Variants in C5orf15 observed in about 807,000 individuals in gnomAD.
C5orf15 encodes chromosome 5 open reading frame 15, also known as keratinocyte-associated transmembrane protein 2.
Under a neutral mutation model 17.8 loss-of-function variants are expected in C5orf15, and 10 were observed. That is an observed-to-expected ratio of 0.56 (90% confidence interval 0.35 to 0.95). The LOEUF is 0.95. Ranked by LOEUF, C5orf15 falls within the 40% of genes least tolerant of loss-of-function variation. The pLI, the probability that C5orf15 is intolerant of heterozygous loss-of-function variation, is 0.02. For missense variants in C5orf15, 319 were observed against 331.7 expected (o/e 0.96, Z 0.30); for synonymous variants, 124 against 131.0 (o/e 0.95, Z 0.36).
chr5:133,960,283 A>C (rs929097183), intron 1 of C5orf15, among the ~76,000 whole-genome samples: 1 of 152,154 alleles, frequency 6.6e-6, no homozygotes, highest in African/African-American at 2.4e-5. Context: ...CTGCCACCAA[A>C]AGAAAAGAAA....
At position 133,957,039 on chromosome 5, in the gene C5orf15, G is replaced by A. The variant is rs368722635; in HGVS notation, c.667-49C>T. On this transcript the variant is annotated intron_variant, in intron 2 of 2. Coordinates refer to ENST00000231512, the MANE Select transcript of C5orf15 (RefSeq NM_020199.3). ...AGGCAAAAGAGAAAACAGAGAATAT[G>A]GTAAACATTTTTATAACAAGTAAAA... is the stretch of plus-strand genomic sequence containing the variant. The A allele has an allele frequency of 4.2e-6, 6 of 1,428,668 alleles. No homozygotes were observed. The African/African-American group carries it at 4.3e-5, about 10-fold the overall frequency. 88.5% of individuals were successfully genotyped at this position (1,428,668 alleles called of 1,614,324 possible). A position where few individuals can be genotyped will look rare whatever the true frequency, so the allele number is the denominator to read the frequency against.
intron 1 of C5orf15, among the ~76,000 whole-genome samples, chr5:133,966,315 A>G (rs1206464263): frequency 6.6e-6 from 1 of 152,220 alleles, no homozygotes; most frequent in Non-Finnish European, 1.5e-5. Context: ...CTTAAACTTA[A>G]GAATGCAGAG....
intron 1 of C5orf15, among the ~76,000 whole-genome samples, chr5:133,962,613 T>C (rs1752140986): frequency 6.6e-6 from 1 of 152,216 alleles, no homozygotes. Context: ...ACTCCTGCCT[T>C]GATTTCAAAA....
At chr5:133,966,250 C>T (rs1370553309) in intron 1 of C5orf15, among the ~76,000 whole-genome samples, 1 of 151,896 alleles carries the variant, frequency 6.6e-6, no homozygotes, top group Non-Finnish European at 1.5e-5. Flanking sequence ...TTAATTCTCC[C>T]CTTCTACTGG....
chr5:133,957,121 AT>A, intron 2 of C5orf15, 131 bp from the exon 3 acceptor site: 1 of 792,444 alleles, frequency 1.3e-6, no homozygotes, highest in South Asian at 1.7e-5. Flanking sequence ...CAAAAAAGCT[AT>A]TTTAGGCCGA....
chr5:133,960,364 AT>A (rs1013501663), intron 1 of C5orf15, among the ~76,000 whole-genome samples: 1 of 152,242 alleles, frequency 6.6e-6, no homozygotes, highest in African/African-American at 2.4e-5. Flanking sequence ...TTTTCATTTC[AT>A]AAAGGGTGTG....
chr5:133,962,182 C>T (rs1752133379), intron 1 of C5orf15, among the ~76,000 whole-genome samples: 1 of 152,098 alleles, frequency 6.6e-6, no homozygotes, highest in South Asian at 2.1e-4. Flanking sequence ...AACAATTTTT[C>T]CATGGGTAAG....
chr5:133,961,203 G>A (rs1466038698), intron 1 of C5orf15, among the ~76,000 whole-genome samples: 2 of 110,400 alleles, frequency 1.8e-5, no homozygotes, highest in African/African-American at 6.9e-5. Flanking sequence ...ATGAACAGAG[G>A]ATCTCAGAAA....
chr5:133,959,631 C>G lies in C5orf15; in HGVS notation c.529G>C (p.Glu177Gln). The G allele has an allele frequency of 6.2e-7, 1 of 1,613,612 alleles. No homozygotes were observed. ...AAAGATTTCACTGACTGTTCAATTT[C>G]CATGTAACCCCTGTTTTCTTCCAAG... ...DTLEENRGYM[E>Q]IEQSVKSFKM... Residue 177 changes from glutamate to glutamine, a missense_variant, in exon 2 of 3, where the codon GAA becomes CAA. Physicochemically the swap from Glu to Gln is conservative, Grantham distance 29. This residue lies in a region of C5orf15 where 175 missense variants were observed against 192.4 expected (regional missense o/e 0.91). Transcript: ENST00000231512.
At chr5:133,965,454 T>G (rs908108605) in intron 1 of C5orf15, among the ~76,000 whole-genome samples, 3 of 152,224 alleles carry the variant, frequency 2.0e-5, no homozygotes, top group Admixed American at 6.5e-5. Flanking sequence ...ATCAACTTAC[T>G]CAAACTCCTT....
At position 133,956,802 on chromosome 5, in the gene C5orf15, T is replaced by C; in HGVS notation, c.*57A>G. ...TTGCCTATGGCAAACATTTGCACAA[T>C]ATCATATAAAAAGTCAAGCAAATAA... is the stretch of plus-strand genomic sequence containing the variant. On this transcript the variant is annotated 3_prime_UTR_variant, in exon 3 of 3. Coordinates refer to ENST00000231512, the MANE Select transcript of C5orf15 (RefSeq NM_020199.3). The C allele has an allele frequency of 1.3e-6, 2 of 1,540,934 alleles. No individual in the cohort carries two copies. The highest frequency in any genetic ancestry group is 1.7e-6 in the Non-Finnish European group (2 of 1,145,074).
intron 1 of C5orf15, 108 bp from the exon 2 acceptor site, chr5:133,960,128 T>A: frequency 1.1e-6 from 1 of 923,190 alleles, no homozygotes; most frequent in Non-Finnish European, 1.6e-6. Flanking sequence ...GCTACATTCC[T>A]ATAACTTTCT....
chr5:133,956,903 C>T lies in C5orf15; in HGVS notation c.754G>A (p.Glu252Lys). Residue 252 changes from glutamate to lysine, a missense_variant, in exon 3 of 3, where the codon GAG becomes AAG. Physicochemically the swap from Glu to Lys is moderately conservative, Grantham distance 56 (BLOSUM62 1). This residue lies in a region of C5orf15 where 175 missense variants were observed against 192.4 expected (regional missense o/e 0.91). Transcript: ENST00000231512. The part of the protein sequence containing the change: ...EYHRLDQNVN[E>K]AMPSLKITND... ...GTAATCTTCAAAGAAGGCATTGCCT[C>T]ATTAACATTCTGATCTAGGCGATGG... is the stretch of plus-strand genomic sequence containing the variant. The T allele has an allele frequency of 1.9e-6, 3 of 1,607,756 alleles. No homozygotes were observed. Among genetic ancestry groups the T allele is most frequent in the Non-Finnish European group, 2.5e-6 (3 of 1,177,822 alleles).
chr5:133,963,210 C>T (rs906337350), intron 1 of C5orf15, among the ~76,000 whole-genome samples: 2 of 152,220 alleles, frequency 1.3e-5, no homozygotes, highest in African/African-American at 2.4e-5. Context: ...ACACCAATCA[C>T]ATTTTCCTCT....
At chr5:133,958,649 T>C (rs1472516638) in intron 2 of C5orf15, among the ~76,000 whole-genome samples, 1 of 149,848 alleles carries the variant, frequency 6.7e-6, no homozygotes, top group African/African-American at 2.5e-5. Flanking sequence ...TACACCTATA[T>C]GTATAAATTA....
chr5:133,957,130 CGA>C, intron 2 of C5orf15, 140 bp from the exon 3 acceptor site: 1 of 701,766 alleles, frequency 1.4e-6, no homozygotes, highest in Non-Finnish European at 2.3e-6. Context: ...TATTTTAGGC[CGA>C]GGCAGGCAGA....
chr5:133,967,972 T>C (rs1224838327), intron 1 of C5orf15, among the ~76,000 whole-genome samples: 1 of 152,070 alleles, frequency 6.6e-6, no homozygotes, highest in Non-Finnish European at 1.5e-5. Context: ...TCCTTGGTCC[T>C]GCAAGATTCC....
At chr5:133,959,386 C>G in intron 2 of C5orf15, 108 bp downstream of exon 2, 1 of 743,648 alleles carries the variant, frequency 1.3e-6, no homozygotes, top group Non-Finnish European at 1.9e-6. Flanking sequence ...AGAGTGAAAC[C>G]CACTACACTT....
intron 1 of C5orf15, among the ~76,000 whole-genome samples, chr5:133,966,419 A>G (rs1036839717): frequency 6.6e-6 from 1 of 152,170 alleles, no homozygotes; most frequent in Non-Finnish European, 1.5e-5. Context: ...TTTGGGGACA[A>G]TATAATGGCA....
Sources: allele counts gnomAD v4.1 joint callset (sites outside exome capture counted in the v4.1 genomes callset), GRCh38; gene constraint gnomAD v4.1.1; regional missense constraint gnomAD v4.1.1; transcripts MANE v1.5; gene names NCBI Gene and HGNC (gene_info 2026-07-23, HGNC 2026-07-21).